IPO11: variants seen among roughly 807,000 people sequenced by gnomAD.
The protein encoded by IPO11 is importin 11.
Under a neutral mutation model 143.2 loss-of-function variants are expected in IPO11, and 66 were observed. That is an observed-to-expected ratio of 0.46 (90% confidence interval 0.38 to 0.57). The LOEUF is 0.57. Among genes scored for constraint, IPO11 ranks in the 20% least tolerant of loss-of-function variants. IPO11 has a pLI of 0.00. For synonymous variants in IPO11, 385 were observed against 377.8 expected (o/e 1.02, Z -0.22); for missense variants, 1,026 against 1,141.0 (o/e 0.90, Z 1.45).
In IPO11 at chr5:62,489,391, G is replaced by A. The variant is rs540106249; in HGVS notation, c.1357+42G>A. ...TGATTTAGAAGCATTTATTTATTCA[G>A]TAGATGGAGAGTCTGTTTTGTGGTA... On this transcript the variant is annotated intron_variant, in intron 14 of 29. Transcript: ENST00000325324. The A allele has an allele frequency of 6.6e-6, 9 of 1,361,204 alleles. No homozygotes were observed. The East Asian group carries it at 2.2e-4, about 34-fold the overall frequency. The allele number at this position is 1,361,204 out of a possible 1,614,324, so 84.3% of individuals were successfully genotyped here. A position where few individuals can be genotyped will look rare whatever the true frequency, so the allele number is the denominator to read the frequency against.
At chr5:62,625,719 G>T (rs1746543764) in intron 29 of IPO11, among the ~76,000 whole-genome samples, 1 of 152,232 alleles carries the variant, frequency 6.6e-6, no homozygotes, top group Non-Finnish European at 1.5e-5. Flanking sequence ...GTCATTCAGA[G>T]CTTGGAGACA....
At chr5:62,486,805 A>G (rs1193503768) in intron 12 of IPO11, among the ~76,000 whole-genome samples, 1 of 152,168 alleles carries the variant, frequency 6.6e-6, no homozygotes, top group Non-Finnish European at 1.5e-5. Flanking sequence ...TGAGCCCTTC[A>G]TGATAAGCTA....
chr5:62,526,419 A>G lies in IPO11; in HGVS notation c.2012+162A>G, dbSNP rs903404517. Reference sequence around the variant, plus strand: ...TATCTCCTTTTTTTGGCAGCTGTCAATCAGTGTAGGATTATAGTAGACAAA... The same window carrying G: ...TATCTCCTTTTTTTGGCAGCTGTCAGTCAGTGTAGGATTATAGTAGACAAA... On this transcript the variant is annotated intron_variant, in intron 21 of 29. Coordinates refer to ENST00000325324, the MANE Select transcript of IPO11 (RefSeq NM_016338.5). 1.2e-4 allele frequency: 64 copies of G among 554,738 alleles called. 1 individual carries two copies. In the South Asian group the frequency reaches 1.2e-3, roughly 11 times the overall value. 34.4% of individuals were successfully genotyped at this position (554,738 alleles called of 1,614,324 possible).
At chr5:62,442,497 G>A (rs571809476) in intron 2 of IPO11, among the ~76,000 whole-genome samples, 3 of 152,182 alleles carry the variant, frequency 2.0e-5, no homozygotes, top group South Asian at 2.1e-4. Flanking sequence ...ATGAATTGTA[G>A]AACTATATAT....
At chr5:62,498,375 T>C (rs1317241011) in intron 16 of IPO11, among the ~76,000 whole-genome samples, 5 of 152,154 alleles carry the variant, frequency 3.3e-5, no homozygotes, top group Non-Finnish European at 7.3e-5. Context: ...TTATAATATA[T>C]TAGTTAGTAG....
At position 62,418,845 on chromosome 5, in the gene IPO11, T is replaced by G. The variant is rs976900707; in HGVS notation, c.-7+5916T>G. ...CATGCAGACAACCTAGTCCTTTGTCTCCTTATTCTTATATGCCTGTGCAGG... is the reference window on the plus strand; with the variant it reads ...CATGCAGACAACCTAGTCCTTTGTCGCCTTATTCTTATATGCCTGTGCAGG... On this transcript the variant is annotated intron_variant, in intron 1 of 29. Transcript: ENST00000325324. 4.7e-5 allele frequency: 32 copies of G among 677,482 alleles called. No individual in the cohort carries two copies. The African/African-American group carries it at 4.9e-4, about 10-fold the overall frequency. The allele number at this position is 677,482 out of a possible 1,614,324, so 42.0% of individuals were successfully genotyped here.
chr5:62,487,061 A>G (rs1746433021), intron 12 of IPO11, among the ~76,000 whole-genome samples: 1 of 152,190 alleles, frequency 6.6e-6, no homozygotes, highest in East Asian at 1.9e-4. Flanking sequence ...TTGTGGGTAC[A>G]TAGTAGGTGT....
chr5:62,546,407 T>C (rs1294224627), intron 24 of IPO11, among the ~76,000 whole-genome samples: 2 of 152,000 alleles, frequency 1.3e-5, no homozygotes, highest in African/African-American at 4.8e-5. Context: ...ATGAGAATAC[T>C]TGGACACAAG....
At chr5:62,520,972 A>G (rs933279116) in intron 20 of IPO11, among the ~76,000 whole-genome samples, 2 of 152,264 alleles carry the variant, frequency 1.3e-5, no homozygotes, top group Non-Finnish European at 2.9e-5. Context: ...TCCCACCAAC[A>G]GTGTGAAAGT....
chr5:62,485,565 C>A, intron 12 of IPO11, 103 bp downstream of exon 12: 1 of 930,010 alleles, frequency 1.1e-6, no homozygotes, highest in Non-Finnish European at 1.7e-6. Flanking sequence ...ATTTGCTGGG[C>A]ATGGTGGCTC....
chr5:62,458,746 G>A (rs1245994363), intron 5 of IPO11, among the ~76,000 whole-genome samples: 1 of 152,192 alleles, frequency 6.6e-6, no homozygotes, highest in Non-Finnish European at 1.5e-5. Flanking sequence ...TTGGTGGGAA[G>A]TTACTTTAGT....
intron 27 of IPO11, among the ~76,000 whole-genome samples, chr5:62,571,659 A>G (rs577886600): frequency 8.8e-4 from 134 of 152,076 alleles, no homozygotes; most frequent in African/African-American, 2.9e-3. Flanking sequence ...GATTCTTCCA[A>G]TATCCCTATG....
intron 29 of IPO11, among the ~76,000 whole-genome samples, chr5:62,623,869 C>G (rs1027597214): frequency 6.6e-6 from 1 of 152,008 alleles, no homozygotes; most frequent in South Asian, 2.1e-4. Context: ...GTTATCCACC[C>G]GCCTCAGCCT....
intron 29 of IPO11, among the ~76,000 whole-genome samples, chr5:62,604,659 A>AT (rs1745636269): frequency 6.6e-6 from 1 of 152,084 alleles, no homozygotes; most frequent in South Asian, 2.1e-4. Context: ...AACAACCATT[A>AT]TTTTTTTAAG....
intron 16 of IPO11, among the ~76,000 whole-genome samples, chr5:62,497,296 T>C (rs922601589): frequency 7.9e-5 from 12 of 152,198 alleles, no homozygotes; most frequent in African/African-American, 2.9e-4. Context: ...GAAGAAGCAC[T>C]TGTGTGCTCA....
chr5:62,430,098 T>A (rs1743924476), intron 1 of IPO11, among the ~76,000 whole-genome samples: 1 of 152,170 alleles, frequency 6.6e-6, no homozygotes, highest in Non-Finnish European at 1.5e-5. Flanking sequence ...ATGATGGATA[T>A]TTGAGTTGTC....
chr5:62,568,157 G>C (rs905242468), intron 27 of IPO11, among the ~76,000 whole-genome samples: 2 of 149,914 alleles, frequency 1.3e-5, no homozygotes, highest in African/African-American at 4.9e-5. Context: ...GTAGAGATGG[G>C]GTTTTGCCAT....
At chr5:62,481,765 C>G (rs187421562) in intron 9 of IPO11, among the ~76,000 whole-genome samples, 2 of 152,198 alleles carry the variant, frequency 1.3e-5, no homozygotes, top group Admixed American at 6.5e-5. Flanking sequence ...TTTGTTGTAT[C>G]TCTGCGAGGC....
chr5:62,454,987 G>A (rs1745075557), intron 5 of IPO11, among the ~76,000 whole-genome samples: 1 of 152,182 alleles, frequency 6.6e-6, no homozygotes, highest in Non-Finnish European at 1.5e-5. Context: ...TTGGAATGGA[G>A]CAGCTGAACC....
Sources: gnomAD v4.1 joint callset for allele counts (sites outside exome capture counted in the v4.1 genomes callset) on GRCh38, gnomAD v4.1.1 for gene constraint, MANE v1.5 for transcripts, NCBI Gene and HGNC (gene_info 2026-07-23, HGNC 2026-07-21) for gene names.